The following LTN1 variants were observed in gnomAD, a reference collection of about 807,000 sequenced individuals.
The protein encoded by LTN1 is listerin E3 ubiquitin protein ligase 1, also known as E3 ubiquitin-protein ligase listerin.
LTN1 carries 88 observed loss-of-function variants against 201.2 expected under a neutral mutation model. That is an observed-to-expected ratio of 0.44 (90% CI 0.37 to 0.52). The LOEUF is 0.52. Ranked by LOEUF, LTN1 falls within the 20% of genes least tolerant of loss-of-function variation. The pLI is 0.00. For missense variants in LTN1, 1,752 were observed against 2,038.7 expected, an observed-to-expected ratio of 0.86 and a Z score of 2.71; for synonymous variants, 645 against 713.5, an observed-to-expected ratio of 0.90 and a Z score of 1.53.
rs1167417669 is a variant in LTN1, at chr21:28,967,256, C to G, written c.1312-77G>C. The G allele has an allele frequency of 1.1e-5, 11 of 1,027,386 alleles. No individual in the cohort carries two copies. In the African/African-American group the frequency reaches 1.8e-4, roughly 17 times the overall value. 63.6% of individuals were successfully genotyped at this position (1,027,386 alleles called of 1,614,324 possible). On this transcript the variant is annotated intron_variant, in intron 9 of 29. Transcript: ENST00000361371. Reference sequence around the variant, plus strand: ...ATCTCCTGGCACACAACTCTAAAATCCTTGGAATCTCCAAAGTGATATCAT... The same window carrying G: ...ATCTCCTGGCACACAACTCTAAAATGCTTGGAATCTCCAAAGTGATATCAT...
chr21:28,935,653 A>C (rs186543097), intron 26 of LTN1, among the ~76,000 whole-genome samples: 88 of 152,240 alleles, frequency 5.8e-4, no homozygotes, highest in African/African-American at 1.9e-3. Context: ...ATCCTGGCTA[A>C]AACGGTGAAA....
chr21:28,930,622 G>A (rs2084203257), intron 29 of LTN1, 112 bp from the exon 30 acceptor site: 4 of 654,252 alleles, frequency 6.1e-6, no homozygotes, highest in Admixed American at 3.2e-5. Flanking sequence ...AGTGAAAAGG[G>A]AAGAACAATA....
rs576775820 is a variant in LTN1 at position 28,979,420 on chromosome 21, A to G, written c.810+1699T>C. Among the ~76,000 whole-genome samples, 5 of 152,342 alleles carry G rather than the reference A, an allele frequency of 3.3e-5. No homozygotes were observed. The East Asian group carries it at 9.6e-4, about 29-fold the overall frequency. ...TATCACTGGAGGAATGGGCAGGTTA[A>G]ATGAATAGGTAATGCAAACTTCTGA... On this transcript the variant is annotated intron_variant, in intron 6 of 29. Coordinates refer to ENST00000361371, the MANE Select transcript of LTN1 (RefSeq NM_015565.3).
intron 8 of LTN1, among the ~76,000 whole-genome samples, chr21:28,969,835 A>G (rs1057477972): frequency 6.6e-6 from 1 of 152,130 alleles, no homozygotes; most frequent in African/African-American, 2.4e-5. Context: ...AAATAAGAGA[A>G]TATTTCCTTT....
In LTN1 at chr21:28,945,920, C is replaced by A. The variant is rs777737069; in HGVS notation, c.3655G>T (p.Gly1219Cys). Residue 1219 changes from glycine to cysteine, a missense_variant, in exon 21 of 30, where the codon GGT becomes TGT. By Grantham distance (159) the Gly-to-Cys change is radical. Coordinates refer to ENST00000361371, the MANE Select transcript of LTN1 (RefSeq NM_015565.3). ...NLSEASPEVLGVNIEIIRFLS... is the reference protein window; with the variant it reads ...NLSEASPEVLCVNIEIIRFLS... ...AACCGGATTATTTCTATATTTACAC[C>A]CAGTACCTCTGGACTTGCTTCTGAT... 6 of 1,612,878 alleles carry A rather than the reference C, an allele frequency of 3.7e-6. No individual in the cohort carries two copies. In the South Asian group the frequency reaches 6.6e-5, roughly 18 times the overall value.
At position 28,932,539 on chromosome 21, in the gene LTN1, T is replaced by C. The variant is rs2084219353; in HGVS notation, c.5001A>G (p.Lys1667=). Residue 1667 remains lysine, a synonymous_variant, in exon 28 of 30, where the codon AAA becomes AAG. Coordinates refer to ENST00000361371, the MANE Select transcript of LTN1 (RefSeq NM_015565.3). The stretch of plus-strand genomic sequence containing the variant: ...ACTGCTGAACAGCTACTCCTACTCT[T>C]TTCCCACTTTCTACTATTATTGAAC... ...PLGSIIVESG[K]RVGVAVQQWR... is the part of the protein sequence containing the mutation. The C allele has an allele frequency of 6.2e-7, 1 of 1,614,132 alleles. No homozygotes were observed. Among genetic ancestry groups the C allele is most frequent in the Non-Finnish European group, 8.5e-7 (1 of 1,179,990 alleles).
intron 12 of LTN1, among the ~76,000 whole-genome samples, chr21:28,960,203 C>A (rs966978427): frequency 6.6e-6 from 1 of 151,906 alleles, no homozygotes. Context: ...CCCGTCTCTA[C>A]TAAAAATATA....
rs762008213 is a variant in LTN1, at chr21:28,958,484, AACCAATAAATTT to A, written c.2637_2648del (p.Asn880_Val883del). On this transcript the variant is annotated inframe_deletion, in exon 14 of 30. Coordinates refer to ENST00000361371, the MANE Select transcript of LTN1 (RefSeq NM_015565.3). The stretch of plus-strand genomic sequence containing the variant: ...CTTTATATGAACTGTCAGTTTGATG[AACCAATAAATTT>A]ACACCAGAGAGCCAAGTATTTTTCA... 2 of 1,612,106 alleles carry A rather than the reference AACCAATAAATTT, an allele frequency of 1.2e-6. No homozygotes were observed. The highest frequency in any genetic ancestry group is 3.4e-5 in the Admixed American group (2 of 59,658).
At chr21:28,968,685 C>T (rs536216848) in intron 9 of LTN1, among the ~76,000 whole-genome samples, 67 of 151,966 alleles carry the variant, frequency 4.4e-4, no homozygotes, top group Non-Finnish European at 7.4e-4. Context: ...ACAATTTCGG[C>T]TCACTGCAAC....
chr21:28,982,512 A>G, intron 4 of LTN1, 144 bp from the exon 5 acceptor site: 3 of 635,426 alleles, frequency 4.7e-6, no homozygotes, highest in Non-Finnish European at 8.3e-6. Flanking sequence ...AGCAAAACTG[A>G]AAGGTTTGAA....
At position 28,931,216 on chromosome 21, in the gene LTN1, T is replaced by C; in HGVS notation, c.5177A>G (p.Asn1726Ser). 1.2e-6 allele frequency: 2 copies of C among 1,613,638 alleles called. No homozygotes were observed. Among genetic ancestry groups the C allele is most frequent in the Non-Finnish European group, 1.7e-6 (2 of 1,179,682 alleles). Residue 1726 changes from asparagine to serine, a missense_variant, in exon 29 of 30, where the codon AAC becomes AGC. This residue lies in a region of LTN1 where 261 missense variants were observed against 350.1 expected (regional missense o/e 0.75). Coordinates refer to ENST00000361371, the MANE Select transcript of LTN1 (RefSeq NM_015565.3). Reference protein sequence around the residue: ...MICFSVIHGFNYSLPKKACRT... With the variant: ...MICFSVIHGFSYSLPKKACRT... ...ACAGGCTTTTTTGGGAAGGGAATAG[T>C]TGAAACCGTGAATGACTGAGAAACA...
Position 28,959,546 on chromosome 21 carries a change from T to C in LTN1, c.2505A>G (p.Lys835=). The part of the protein sequence containing the change: ...DVAYNYFSSA[K]GCLLMPSSED... ...CAGATGATGGCATTAGCAAGCATCC[T>C]TTCGCTGAGCTGAAATAGTTATAGG... Residue 835 remains lysine, a synonymous_variant, in exon 13 of 30, where the codon AAA becomes AAG. Transcript: ENST00000361371. The C allele has an allele frequency of 6.2e-7, 1 of 1,614,050 alleles. No individual in the cohort carries two copies. The highest frequency in any genetic ancestry group is 1.1e-5 in the South Asian group (1 of 91,082).
chr21:28,960,702 C>T lies in LTN1; in HGVS notation c.2168G>A (p.Cys723Tyr), dbSNP rs1434676935. 6.2e-7 allele frequency: 1 copy of T among 1,610,938 alleles called. No homozygotes were observed. Among genetic ancestry groups the T allele is most frequent in the Non-Finnish European group, 8.5e-7 (1 of 1,177,988 alleles). The part of the protein sequence containing the change: ...NSLLKIIEKA[C>Y]PSSDKHALVT... ...TAAAGCATGTTTATCTGAACTAGGA[C>T]ATGCCTAAAACCATAAAATTAAAGC... Residue 723 changes from cysteine to tyrosine, a missense_variant, in exon 12 of 30, where the codon TGT (cysteine) becomes TAT (tyrosine). Coordinates refer to ENST00000361371, the MANE Select transcript of LTN1 (RefSeq NM_015565.3).
chr21:28,947,650 A>G, intron 18 of LTN1, 44 bp from the exon 19 acceptor site: 1 of 1,271,332 alleles, frequency 7.9e-7, no homozygotes. Context: ...TCTTCCAAAC[A>G]TACAGTTATT....
chr21:28,947,257 C>A (rs1366331892), intron 19 of LTN1, among the ~76,000 whole-genome samples: 1 of 152,172 alleles, frequency 6.6e-6, no homozygotes, highest in Non-Finnish European at 1.5e-5. Context: ...GAAGGTATTT[C>A]TGGGCGTAAG....
chr21:28,962,608 T>C (rs1404563076), intron 11 of LTN1, among the ~76,000 whole-genome samples: 5 of 152,166 alleles, frequency 3.3e-5, no homozygotes, highest in Admixed American at 3.3e-4. Flanking sequence ...CCTATTCCCT[T>C]AGACACAACA....
At chr21:28,991,486 C>T (rs1374292584) in intron 1 of LTN1, among the ~76,000 whole-genome samples, 2 of 151,898 alleles carry the variant, frequency 1.3e-5, no homozygotes, top group African/African-American at 4.8e-5. Flanking sequence ...GTTAAGAGTC[C>T]CGACTTCTGC....
intron 16 of LTN1, among the ~76,000 whole-genome samples, chr21:28,956,399 G>GT (rs1363143761): frequency 6.6e-6 from 1 of 151,940 alleles, no homozygotes; most frequent in Non-Finnish European, 1.5e-5. Context: ...AAATTATCAG[G>GT]TATCAATTTT....
rs143938752 is a variant in LTN1, at chr21:28,962,523, C to A, written c.2164-1817G>T. Among the ~76,000 whole-genome samples the A allele has an allele frequency of 2.9e-3, 446 of 152,292 alleles. 2 individuals are homozygous for A. The highest frequency in any genetic ancestry group is 6.8e-3 in the Middle Eastern group (2 of 294). On this transcript the variant is annotated intron_variant, in intron 11 of 29. Transcript: ENST00000361371. ...CATATAAGAGGGCAAACTTAATCAA[C>A]AAATATTGTGTGTGTGTTCTGACTG... is the stretch of plus-strand genomic sequence containing the variant.
Sources: allele counts gnomAD v4.1 joint callset (sites outside exome capture counted in the v4.1 genomes callset), GRCh38; gene constraint gnomAD v4.1.1; regional missense constraint gnomAD v4.1.1; transcripts MANE v1.5; gene names NCBI Gene and HGNC (gene_info 2026-07-23, HGNC 2026-07-21).